Variants in KIF4A observed in about 807,000 individuals in gnomAD.
KIF4A encodes the protein kinesin family member 4A.
In KIF4A, 7 loss-of-function variants were observed where a neutral mutation model predicts 105.9. That is an observed-to-expected ratio of 0.07 (90% CI 0.04 to 0.12). KIF4A has a LOEUF of 0.12. KIF4A is among the 10% of genes least tolerant of loss of function. The probability of loss-of-function intolerance (pLI) is 1.00; values close to 1 mark genes in which losing one functional copy is unlikely to be tolerated. For missense variants in KIF4A, 558 were observed against 929.2 expected, an observed-to-expected ratio of 0.60 and a Z score of 5.19; for synonymous variants, 281 against 331.3, an observed-to-expected ratio of 0.85 and a Z score of 1.65.
intron 15 of KIF4A, among the ~76,000 whole-genome samples, chrX:70,372,899 G>A (rs761331434): frequency 8.9e-6 from 1 of 112,340 alleles, no homozygotes; most frequent in South Asian, 3.7e-4. Context: ...AAACCTTTGG[G>A]AGTCCCCAAG....
At chrX:70,310,132 T>C (rs1159872220) in intron 7 of KIF4A, among the ~76,000 whole-genome samples, 3 of 112,315 alleles carry the variant, frequency 2.7e-5, no homozygotes, top group Non-Finnish European at 5.6e-5. Context: ...TACATTCATA[T>C]ATCTACCACC....
chrX:70,408,068 C>CAA (rs1364505971), intron 28 of KIF4A, among the ~76,000 whole-genome samples: 5 of 76,416 alleles, frequency 6.5e-5, no homozygotes, highest in Non-Finnish European at 1.0e-4. Flanking sequence ...GATTCCATCT[C>CAA]AAAAAAAAAA....
rs942930325 is a variant in KIF4A at position 70,409,559 on chromosome X, G to A, written c.3255+2484G>A. Among the ~76,000 whole-genome samples the A allele has an allele frequency of 6.3e-5, 7 of 111,230 alleles. No individual in the cohort carries two copies. In the Admixed American group the frequency reaches 6.7e-4, roughly 11 times the overall value. ...TGCCTGTAATCCCAGCACTTCGGGA[G>A]GCCAAGGCAGGCGGATCACCTGAGG... is the stretch of plus-strand genomic sequence containing the variant. On this transcript the variant is annotated intron_variant, in intron 28 of 30. Coordinates refer to ENST00000374403, the MANE Select transcript of KIF4A (RefSeq NM_012310.5).
At chrX:70,348,886 A>C (rs2086005393) in intron 13 of KIF4A, among the ~76,000 whole-genome samples, 1 of 111,004 alleles carries the variant, frequency 9.0e-6, no homozygotes, top group Non-Finnish European at 1.9e-5. Flanking sequence ...TGTTGGGTAC[A>C]CCTCCCAGAC....
Position 70,404,005 on chromosome X carries a change from G to C in KIF4A, c.2761G>C (p.Val921Leu), listed in dbSNP as rs761092591. ...EIETELQAEL[V>L]RMEQQHQEKV... ...AGAGACAGAGTTACAAGCTGAGCTG[G>C]TCAGAATGGAGCAACAGCACCAAGA... The change falls in exon 24 of 31, where the codon GTC becomes CTC. Residue 921 changes from valine to leucine, a missense_variant. Transcript: ENST00000374403. The C allele has an allele frequency of 2.2e-4, 272 of 1,209,772 alleles. 4 individuals are homozygous for C. In the East Asian group the frequency reaches 7.7e-3, roughly 34 times the overall value.
intron 15 of KIF4A, among the ~76,000 whole-genome samples, chrX:70,358,168 C>A (rs1378069774): frequency 9.0e-6 from 1 of 111,407 alleles, no homozygotes; most frequent in Non-Finnish European, 1.9e-5. Context: ...GCCTCCCAGT[C>A]CTAAAGTGCT....
chrX:70,335,348 T>C (rs1036008094), intron 10 of KIF4A, among the ~76,000 whole-genome samples: 1 of 111,960 alleles, frequency 8.9e-6, no homozygotes, highest in African/African-American at 3.2e-5. Context: ...GTCAAATTCA[T>C]AGAAACAAAG....
chrX:70,415,861 CTTTTTT>C (rs1162374099), intron 28 of KIF4A, among the ~76,000 whole-genome samples: 1 of 57,434 alleles, frequency 1.7e-5, no homozygotes, highest in Non-Finnish European at 3.2e-5. Context: ...TGCATTATTT[CTTTTTT>C]TTTTTTTTTT....
At chrX:70,351,370 G>A (rs2086029824) in intron 13 of KIF4A, among the ~76,000 whole-genome samples, 1 of 111,977 alleles carries the variant, frequency 8.9e-6, no homozygotes, top group South Asian at 3.7e-4. Context: ...ACATTATTTA[G>A]TTCCCACTTA....
rs763034440 is a variant in KIF4A, at chrX:70,297,198, TTA to T, written c.426+12_426+13del. ...AGTGTCTTACTTAGAGGTAAGCAAT[TTA>T]TGTTTAATTATTCTGAATTCGAAAT... On this transcript the variant is annotated intron_variant, in intron 4 of 30. Coordinates refer to ENST00000374403, the MANE Select transcript of KIF4A (RefSeq NM_012310.5). 111 of 1,165,992 alleles carry T rather than the reference TTA, an allele frequency of 9.5e-5. No individual in the cohort carries two copies. The highest frequency in any genetic ancestry group is 1.2e-4 in the Non-Finnish European group (102 of 863,928).
chrX:70,369,343 C>T (rs189628192), intron 15 of KIF4A, among the ~76,000 whole-genome samples: 4 of 112,328 alleles, frequency 3.6e-5, no homozygotes, highest in Admixed American at 2.8e-4. Flanking sequence ...GCATTGCTCA[C>T]GCTGGGAGCT....
chrX:70,340,145 G>A (rs1277781361), intron 10 of KIF4A, among the ~76,000 whole-genome samples: 1 of 111,336 alleles, frequency 9.0e-6, no homozygotes, highest in Admixed American at 9.6e-5. Context: ...TGTGGCTATA[G>A]GTTATTTAAC....
chrX:70,370,123 A>G (rs1042472509), intron 15 of KIF4A, among the ~76,000 whole-genome samples: 1 of 111,658 alleles, frequency 9.0e-6, no homozygotes, highest in Non-Finnish European at 1.9e-5. Context: ...ATAGTAGGCT[A>G]TACTATATAG....
chrX:70,405,741 A>G (rs2086297576), intron 25 of KIF4A, 87 bp from the exon 26 acceptor site: 9 of 648,624 alleles, frequency 1.4e-5, no homozygotes, highest in Non-Finnish European at 2.3e-5. Context: ...ACTTGGCAGC[A>G]GTATGTTTTC....
intron 7 of KIF4A, among the ~76,000 whole-genome samples, chrX:70,321,106 C>G (rs1168468076): frequency 9.0e-6 from 1 of 111,472 alleles, no homozygotes; most frequent in Non-Finnish European, 1.9e-5. Context: ...CTTCCAGACC[C>G]TTTATACCCT....
intron 18 of KIF4A, among the ~76,000 whole-genome samples, chrX:70,379,188 A>C (rs1217457969): frequency 2.7e-5 from 3 of 111,098 alleles, no homozygotes; most frequent in Non-Finnish European, 3.8e-5. Context: ...GAAAAAAGAA[A>C]AAAAAGAAAG....
chrX:70,299,089 C>G, intron 4 of KIF4A, 24 bp from the exon 5 acceptor site: 1 of 1,163,138 alleles, frequency 8.6e-7, no homozygotes, highest in South Asian at 1.9e-5. Context: ...CTTGTTTTTG[C>G]CACTTTATTT....
At chrX:70,415,159 A>G (rs1461720079) in intron 28 of KIF4A, among the ~76,000 whole-genome samples, 2 of 112,478 alleles carry the variant, frequency 1.8e-5, no homozygotes, top group African/African-American at 3.2e-5. Context: ...TGTTTATAAG[A>G]ATGGAAAATG....
intron 13 of KIF4A, 53 bp downstream of exon 13, chrX:70,344,035 T>C (rs1009267175): frequency 1.6e-4 from 142 of 905,950 alleles, no homozygotes; most frequent in Non-Finnish European, 2.1e-4. Flanking sequence ...TTTGTTTCTC[T>C]TGACACATAC....
Sources: allele counts gnomAD v4.1 joint callset (sites outside exome capture counted in the v4.1 genomes callset), GRCh38; gene constraint gnomAD v4.1.1; transcripts MANE v1.5; gene names NCBI Gene and HGNC (gene_info 2026-07-23, HGNC 2026-07-21).